RFC2: variants seen among roughly 807,000 people sequenced by gnomAD.
The protein encoded by RFC2 is replication factor C subunit 2, also known as A1 40 kDa subunit.
Under a neutral mutation model 44.8 loss-of-function variants are expected in RFC2, and 34 were observed. The observed-to-expected ratio is 0.76, with a 90% CI of 0.58 to 1.01. The LOEUF (loss-of-function observed/expected upper bound fraction) is 1.01. RFC2 is among the 50% of genes least tolerant of loss of function. The pLI, the probability that RFC2 is intolerant of heterozygous loss-of-function variation, is 0.00. For missense variants in RFC2, 400 were observed against 453.6 expected (o/e 0.88, Z 1.07); for synonymous variants, 177 against 168.9 (o/e 1.05, Z -0.37).
chr7:74,243,012 A>T, intron 6 of RFC2, 134 bp downstream of exon 6: 1 of 603,958 alleles, frequency 1.7e-6, no homozygotes, highest in Non-Finnish European at 2.9e-6. Context: ...TGAGCACAGG[A>T]GTTTGAGGCT....
chr7:74,247,248 C>T (rs781996845), intron 4 of RFC2, among the ~76,000 whole-genome samples: 5 of 152,018 alleles, frequency 3.3e-5, no homozygotes, highest in Non-Finnish European at 7.4e-5. Context: ...CTTTCACTAA[C>T]CACAGCCAAG....
chr7:74,249,361 C>T (rs938077361), intron 3 of RFC2: 21 of 563,900 alleles, frequency 3.7e-5, no homozygotes, highest in African/African-American at 3.6e-4. Context: ...GCCAACATGG[C>T]GAAACCCCGT....
intron 10 of RFC2, 50 bp downstream of exon 10, chr7:74,235,482 A>C: frequency 8.4e-7 from 1 of 1,186,578 alleles, no homozygotes; most frequent in Non-Finnish European, 1.3e-6. Context: ...GCACCCGGCC[A>C]CTATGGGCCA....
At chr7:74,244,749 C>G (rs1263131116) in intron 5 of RFC2, among the ~76,000 whole-genome samples, 1 of 151,628 alleles carries the variant, frequency 6.6e-6, no homozygotes, top group Non-Finnish European at 1.5e-5. Flanking sequence ...AGACAGATCA[C>G]TTGAGGCCAG....
At chr7:74,248,676 A>G (rs541059369) in intron 4 of RFC2, among the ~76,000 whole-genome samples, 2 of 151,962 alleles carry the variant, frequency 1.3e-5, no homozygotes, top group African/African-American at 4.8e-5. Flanking sequence ...TAAGTTTTGT[A>G]TTTTTAGTGG....
chr7:74,239,025 ATATT>A (rs1563989033), intron 7 of RFC2, 37 bp from the exon 8 acceptor site: 1 of 1,561,212 alleles, frequency 6.4e-7, no homozygotes, highest in East Asian at 2.2e-5. Context: ...GATGATTTTT[ATATT>A]TATTTCTTTT....
intron 6 of RFC2, among the ~76,000 whole-genome samples, 190 bp downstream of exon 6, chr7:74,242,956 A>G (rs555321971): frequency 1.6e-4 from 24 of 150,842 alleles, no homozygotes; most frequent in African/African-American, 5.8e-4. Flanking sequence ...GTGGTGGCAC[A>G]GGCCTGTAGT....
In RFC2 at chr7:74,247,639, C is replaced by CA. The variant is rs370690377; in HGVS notation, c.333-877dup. 1.6e-3 allele frequency among the ~76,000 whole-genome samples: 236 copies of CA among 149,292 alleles called. 6 individuals are homozygous for CA. In the South Asian group the frequency reaches 0.038, roughly 24 times the overall value. On this transcript the variant is annotated intron_variant, in intron 4 of 10. Transcript: ENST00000055077. ...TGGGTGACAGAGCAAGACTCTGTCT[C>CA]AAAAAAAAAGAAAGAAAGAAAAGAA...
At chr7:74,232,778 T>G (rs1240872498) in intron 10 of RFC2, among the ~76,000 whole-genome samples, 2 of 152,134 alleles carry the variant, frequency 1.3e-5, no homozygotes, top group Non-Finnish European at 2.9e-5. Flanking sequence ...GGCAGGAGAA[T>G]CACTTAAACC....
rs1803157662 is a variant in RFC2, at chr7:74,238,786, G to C, written c.759+137C>G. The C allele has an allele frequency of 3.0e-6, 2 of 671,580 alleles. No individual in the cohort carries two copies. Among genetic ancestry groups the C allele is most frequent in the Non-Finnish European group, 5.3e-6 (2 of 374,782 alleles). 41.6% of individuals were successfully genotyped at this position (671,580 alleles called of 1,614,324 possible). A position where few individuals can be genotyped will look rare whatever the true frequency, so the allele number is the denominator to read the frequency against. On this transcript the variant is annotated intron_variant, in intron 8 of 10. Coordinates refer to ENST00000055077, the MANE Select transcript of RFC2 (RefSeq NM_181471.3). The surrounding 1 kb of genome is among the most constrained non-coding windows in gnomAD (Gnocchi z 4.0). ...GCAGCAATAGGGAGAGGACAGACGGGAGCAGGGTGGGCTCCCTGGCACCCA... is the reference window on the plus strand; with the variant it reads ...GCAGCAATAGGGAGAGGACAGACGGCAGCAGGGTGGGCTCCCTGGCACCCA...
At chr7:74,235,023 G>A (rs116562223) in intron 10 of RFC2, among the ~76,000 whole-genome samples, 86 of 152,182 alleles carry the variant, frequency 5.7e-4, no homozygotes, top group African/African-American at 2.0e-3. Flanking sequence ...CAGAGAAAGC[G>A]AAGCCAGGGC....
At position 74,237,415 on chromosome 7, in the gene RFC2, C is replaced by G. The variant is rs1438109569; in HGVS notation, c.787G>C (p.Val263Leu). ...ACACAGTGCTGGATCATCTCCTTTA[C>G]CAGCAGTGGGTGGGGCTCGTCACAG... ...KVCDEPHPLLVKEMIQHCVNA... is the reference protein window; with the variant it reads ...KVCDEPHPLLLKEMIQHCVNA... Residue 263 changes from valine (V) to leucine (L), a missense_variant, in exon 9 of 11, where the codon GTA becomes CTA. Coordinates refer to ENST00000055077, the MANE Select transcript of RFC2 (RefSeq NM_181471.3). The G allele has an allele frequency of 6.2e-7, 1 of 1,600,132 alleles. No homozygotes were observed. Among genetic ancestry groups the G allele is most frequent in the South Asian group, 1.1e-5 (1 of 88,610 alleles).
intron 10 of RFC2, among the ~76,000 whole-genome samples, chr7:74,235,239 G>A (rs1290360639): frequency 6.6e-6 from 1 of 152,220 alleles, no homozygotes; most frequent in Non-Finnish European, 1.5e-5. Flanking sequence ...GCTTTGCCAT[G>A]TTGGCCAGGC....
chr7:74,235,496 T>G (rs782230941), intron 10 of RFC2, 36 bp downstream of exon 10: 5 of 1,351,324 alleles, frequency 3.7e-6, no homozygotes, highest in Non-Finnish European at 5.3e-6. Flanking sequence ...TGGGCCACAT[T>G]CTTGAGGACA....
intron 2 of RFC2, among the ~76,000 whole-genome samples, chr7:74,250,612 T>G (rs1260376099): frequency 6.6e-6 from 1 of 152,092 alleles, no homozygotes; most frequent in Non-Finnish European, 1.5e-5. Flanking sequence ...TCCTCCTCCT[T>G]CGTCTCCAGC....
At chr7:74,243,325 A>G (rs1803440161) in intron 5 of RFC2, 79 bp from the exon 6 acceptor site, 1 of 908,602 alleles carries the variant, frequency 1.1e-6, no homozygotes, top group African/African-American at 1.6e-5. Flanking sequence ...AAAACCCAGG[A>G]CATAAGACAC....
chr7:74,235,612 G>T lies in RFC2; in HGVS notation c.874C>A (p.Pro292Thr), dbSNP rs1315469285. The T allele has an allele frequency of 6.2e-7, 1 of 1,613,592 alleles. No individual in the cohort carries two copies. The change falls in exon 10 of 11, where the codon CCA becomes ACA. Residue 292 changes from proline to threonine, a missense_variant. Pro to Thr is a conservative substitution (Grantham distance 38). Coordinates refer to ENST00000055077, the MANE Select transcript of RFC2 (RefSeq NM_181471.3). ...AAGATGTTGCCAATGATATCTTCTGGTGAGTAGCCCAGATGCCACAAGTGA... is the reference window on the plus strand; with the variant it reads ...AAGATGTTGCCAATGATATCTTCTGTTGAGTAGCCCAGATGCCACAAGTGA... ...LAHLWHLGYS[P>T]EDIIGNIFRV...
In RFC2 at chr7:74,231,979, C is replaced by CA; in HGVS notation, c.*126dup. ...ACAGGCGTGAGCTACCGTGCCTGGC[C>CA]AGCCACTGGAGTTTAAAGGACAGTC... On this transcript the variant is annotated 3_prime_UTR_variant, in exon 11 of 11. Transcript: ENST00000055077. 1 of 661,758 alleles carries CA rather than the reference C, an allele frequency of 1.5e-6. No individual in the cohort carries two copies. The highest frequency in any genetic ancestry group is 2.7e-6 in the Non-Finnish European group (1 of 373,406). 41.0% of individuals were successfully genotyped at this position (661,758 alleles called of 1,614,324 possible).
At chr7:74,245,530 G>C (rs1242302718) in intron 5 of RFC2, among the ~76,000 whole-genome samples, 3 of 147,180 alleles carry the variant, frequency 2.0e-5, no homozygotes, top group Non-Finnish European at 3.0e-5. Flanking sequence ...GGCTAACACA[G>C]TGAAACCCCG....
Sources: allele counts gnomAD v4.1 joint callset (sites outside exome capture counted in the v4.1 genomes callset), GRCh38; gene constraint gnomAD v4.1.1; non-coding constraint Gnocchi (gnomAD v3.1); transcripts MANE v1.5; gene names NCBI Gene and HGNC (gene_info 2026-07-23, HGNC 2026-07-21).